NLK: variants seen among roughly 807,000 people sequenced by gnomAD.
NLK encodes nemo like kinase, also known as serine/threonine-protein kinase NLK.
Under a neutral mutation model 59.0 loss-of-function variants are expected in NLK, and 11 were observed. The ratio of observed to expected loss-of-function variants is 0.19; its 90% CI spans 0.12 to 0.31. The LOEUF is 0.31. NLK is among the 10% of genes least tolerant of loss of function. The pLI is 1.00. For synonymous variants in NLK, 235 were observed against 235.9 expected (o/e 1.00, Z 0.03); for missense variants, 410 against 661.1 (o/e 0.62, Z 4.16).
At chr17:28,180,476 A>G (rs1469134971) in intron 7 of NLK, among the ~76,000 whole-genome samples, 1 of 152,202 alleles carries the variant, frequency 6.6e-6, no homozygotes, top group Non-Finnish European at 1.5e-5. Flanking sequence ...ATGAGTAGCA[A>G]TGATGTTAGG....
chr17:28,130,590 T>C (rs180979714), intron 2 of NLK, among the ~76,000 whole-genome samples: 232 of 152,308 alleles, frequency 1.5e-3, no homozygotes, highest in Non-Finnish European at 9.7e-4. Context: ...AGGTTTAATA[T>C]GTATGGTTGT....
intron 1 of NLK, among the ~76,000 whole-genome samples, chr17:28,100,585 G>A (rs1904871107): frequency 1.3e-5 from 2 of 152,030 alleles, no homozygotes; most frequent in African/African-American, 2.4e-5. Context: ...AGTTTTAATT[G>A]GATTATTTAT....
chr17:28,120,223 G>C (rs1290074154), intron 1 of NLK, among the ~76,000 whole-genome samples: 2 of 148,878 alleles, frequency 1.3e-5, no homozygotes, highest in Non-Finnish European at 3.0e-5. Flanking sequence ...CAGTATTGCA[G>C]ATTTGGCTTG....
intron 1 of NLK, among the ~76,000 whole-genome samples, chr17:28,088,881 C>T (rs1449267997): frequency 6.6e-6 from 1 of 152,042 alleles, no homozygotes; most frequent in Non-Finnish European, 1.5e-5. Flanking sequence ...AAAATGATAC[C>T]AGGAGTTCAT....
intron 7 of NLK, among the ~76,000 whole-genome samples, chr17:28,178,464 G>A (rs1436642422): frequency 3.3e-5 from 5 of 152,128 alleles, no homozygotes; most frequent in Admixed American, 3.3e-4. Context: ...TTGAATGAAG[G>A]GAAGTATAGC....
intron 8 of NLK, chr17:28,190,793 A>T: frequency 2.5e-6 from 1 of 405,174 alleles, no homozygotes; most frequent in Non-Finnish European, 4.4e-6. Context: ...GAAGAAAGGC[A>T]CTTCTAAGTA....
intron 1 of NLK, among the ~76,000 whole-genome samples, chr17:28,111,745 G>GT (rs958518250): frequency 3.0e-4 from 45 of 151,406 alleles, no homozygotes; most frequent in Admixed American, 5.9e-4. Flanking sequence ...ATTTTGTTTT[G>GT]TTTTTTTTAA....
chr17:28,158,220 C>T (rs958696952), intron 3 of NLK, among the ~76,000 whole-genome samples: 1 of 152,146 alleles, frequency 6.6e-6, no homozygotes, highest in African/African-American at 2.4e-5. Flanking sequence ...CAACATGTTA[C>T]CGTACTGAAT....
chr17:28,050,351 G>A (rs1425180085), intron 1 of NLK, among the ~76,000 whole-genome samples: 1 of 152,168 alleles, frequency 6.6e-6, no homozygotes, highest in Admixed American at 6.5e-5. Context: ...GGTAGGAAGT[G>A]TAAGCTAGAG....
At chr17:28,131,192 A>G (rs1359280797) in intron 2 of NLK, among the ~76,000 whole-genome samples, 1 of 152,112 alleles carries the variant, frequency 6.6e-6, no homozygotes, top group Non-Finnish European at 1.5e-5. Flanking sequence ...GGTTTCTTCT[A>G]CACATAAATT....
intron 10 of NLK, among the ~76,000 whole-genome samples, chr17:28,193,130 C>T (rs1376322146): frequency 6.6e-6 from 1 of 152,176 alleles, no homozygotes; most frequent in Non-Finnish European, 1.5e-5. Flanking sequence ...GTAATAAGAA[C>T]TGTTAACTAG....
chr17:28,050,120 A>G (rs1320422540), intron 1 of NLK, among the ~76,000 whole-genome samples: 2 of 152,250 alleles, frequency 1.3e-5, no homozygotes, highest in African/African-American at 2.4e-5. Context: ...ATGGATTATT[A>G]TAATTCATTG....
At chr17:28,128,898 T>C (rs1323131480) in intron 2 of NLK, among the ~76,000 whole-genome samples, 1 of 152,168 alleles carries the variant, frequency 6.6e-6, no homozygotes, top group East Asian at 1.9e-4. Context: ...GGAAACAATA[T>C]AAATGTCTGC....
intron 7 of NLK, among the ~76,000 whole-genome samples, chr17:28,179,321 C>T (rs890413090): frequency 6.6e-6 from 1 of 152,064 alleles, no homozygotes; most frequent in East Asian, 1.9e-4. Flanking sequence ...CCTCAATTTT[C>T]CAGGCTCAAG....
At chr17:28,201,297 G>T (rs757651248), downstream of NLK, among the ~76,000 whole-genome samples, 13 of 151,734 alleles carry the variant, frequency 8.6e-5, no homozygotes, top group South Asian at 1.0e-3. Flanking sequence ...TGCCCAGGCT[G>T]GTCTTGAACT....
chr17:28,169,765 G>A (rs1597720813), intron 6 of NLK, among the ~76,000 whole-genome samples: 1 of 113,890 alleles, frequency 8.8e-6, no homozygotes, highest in Non-Finnish European at 1.8e-5. Context: ...TCTGAGGATT[G>A]TTGTACAATG....
intron 3 of NLK, among the ~76,000 whole-genome samples, chr17:28,139,264 A>G (rs1348919054): frequency 6.6e-6 from 1 of 152,136 alleles, no homozygotes; most frequent in Non-Finnish European, 1.5e-5. Context: ...CAAAAAAAAC[A>G]AAAGAACCAA....
chr17:28,073,429 T>G (rs1910072276), intron 1 of NLK, among the ~76,000 whole-genome samples: 1 of 152,216 alleles, frequency 6.6e-6, no homozygotes, highest in African/African-American at 2.4e-5. Flanking sequence ...CAGGGAAAAC[T>G]GTCTATAATG....
At chr17:28,081,963 G>T (rs1282038314) in intron 1 of NLK, among the ~76,000 whole-genome samples, 1 of 152,118 alleles carries the variant, frequency 6.6e-6, no homozygotes, top group Non-Finnish European at 1.5e-5. Context: ...GAGCGATCTC[G>T]GATCACTGTA....
Sources: gnomAD v4.1 joint callset for allele counts (sites outside exome capture counted in the v4.1 genomes callset) on GRCh38, gnomAD v4.1.1 for gene constraint, MANE v1.5 for transcripts, NCBI Gene and HGNC (gene_info 2026-07-23, HGNC 2026-07-21) for gene names.